Variants in PALS2 observed in about 807,000 individuals in gnomAD.
PALS2 encodes the protein protein PALS2.
A neutral mutation model predicts 61.6 loss-of-function variants in PALS2; 27 were observed. That is an observed-to-expected ratio of 0.44 (90% confidence interval 0.32 to 0.60). The LOEUF (loss-of-function observed/expected upper bound fraction) is 0.60. Ranked by LOEUF, PALS2 falls within the 20% of genes least tolerant of loss-of-function variation. PALS2 has a pLI of 0.05. For missense variants in PALS2, 554 were observed against 639.4 expected (o/e 0.87, Z 1.44); for synonymous variants, 236 against 218.6 (o/e 1.08, Z -0.70).
chr7:24,672,557 T>A (rs1323190401), intron 9 of PALS2, among the ~76,000 whole-genome samples: 1 of 152,206 alleles, frequency 6.6e-6, no homozygotes, highest in Non-Finnish European at 1.5e-5. Context: ...CATAGATGTC[T>A]CTCTGTTTAT....
rs1320328668 is a variant in PALS2 at position 24,687,434 on chromosome 7, A to G, written c.1447-4A>G. 1.9e-6 allele frequency: 3 copies of G among 1,606,218 alleles called. No individual in the cohort carries two copies. The highest frequency in any genetic ancestry group is 1.7e-5 in the Admixed American group (1 of 58,420). ...AAACATTTCCTTTTAAAACTCTTCA[A>G]CAGGACTCTGACTTGAAGAAAACAG... On this transcript the variant is annotated splice_region_variant and splice_polypyrimidine_tract_variant and intron_variant, in intron 11 of 11. Coordinates refer to ENST00000222644, the MANE Select transcript of PALS2 (RefSeq NM_001303037.2). The surrounding 1 kb of genome is among the most constrained non-coding windows in gnomAD (Gnocchi z 4.5).
chr7:24,681,628 A>G (rs985436194), intron 11 of PALS2, among the ~76,000 whole-genome samples: 1 of 151,914 alleles, frequency 6.6e-6, no homozygotes, highest in Non-Finnish European at 1.5e-5. Context: ...TGCCAGCTTA[A>G]TTGAGGTATA....
intron 1 of PALS2, among the ~76,000 whole-genome samples, chr7:24,612,346 T>C (rs1784145011): frequency 6.6e-6 from 1 of 151,928 alleles, no homozygotes; most frequent in African/African-American, 2.4e-5. Context: ...ACAGTGTTTT[T>C]ACAGTTGATA....
At chr7:24,665,851 A>G (rs1437902014) in intron 7 of PALS2, among the ~76,000 whole-genome samples, 164 bp downstream of exon 7, 1 of 152,128 alleles carries the variant, frequency 6.6e-6, no homozygotes, top group East Asian at 1.9e-4. Context: ...CCGTTCTGCC[A>G]CCTGCTGGTA....
intron 11 of PALS2, among the ~76,000 whole-genome samples, chr7:24,686,738 A>G (rs949670299): frequency 2.0e-5 from 3 of 152,194 alleles, no homozygotes; most frequent in Non-Finnish European, 2.9e-5. Context: ...ACACCTTAAT[A>G]GGAACTCAAT....
At chr7:24,633,762 A>G (rs997857737) in intron 2 of PALS2, among the ~76,000 whole-genome samples, 2 of 152,136 alleles carry the variant, frequency 1.3e-5, no homozygotes, top group African/African-American at 2.4e-5. Flanking sequence ...TCCTGTGTAT[A>G]TAAGTAGGTA....
intron 11 of PALS2, among the ~76,000 whole-genome samples, chr7:24,681,269 G>A (rs1244090122): frequency 6.6e-6 from 1 of 152,036 alleles, no homozygotes; most frequent in Non-Finnish European, 1.5e-5. Flanking sequence ...ATACAAAAGA[G>A]GGAATAAATG....
chr7:24,679,729 A>G (rs1787816195), intron 10 of PALS2, among the ~76,000 whole-genome samples: 1 of 103,030 alleles, frequency 9.7e-6, no homozygotes, highest in African/African-American at 7.9e-5. Flanking sequence ...TACACTATTC[A>G]TTTTGTCACT....
chr7:24,669,658 C>G (rs951317856), intron 9 of PALS2, among the ~76,000 whole-genome samples: 1 of 152,114 alleles, frequency 6.6e-6, no homozygotes, highest in Admixed American at 6.5e-5. Context: ...TAGAGTTTCC[C>G]TGGTTTTGTC....
At chr7:24,658,028 C>A (rs1048179945) in intron 5 of PALS2, among the ~76,000 whole-genome samples, 5 of 151,954 alleles carry the variant, frequency 3.3e-5, no homozygotes, top group African/African-American at 1.2e-4. Context: ...TTTTCTGTTT[C>A]TCCTGTCCTT....
chr7:24,575,121 A>T (rs1239329630), intron 1 of PALS2, among the ~76,000 whole-genome samples: 7 of 152,154 alleles, frequency 4.6e-5, no homozygotes, highest in Admixed American at 4.6e-4. Context: ...TTCATTCTGG[A>T]CTACGGTTAC....
At chr7:24,581,070 C>T (rs1437279140) in intron 1 of PALS2, among the ~76,000 whole-genome samples, 1 of 152,054 alleles carries the variant, frequency 6.6e-6, no homozygotes, top group South Asian at 2.1e-4. Context: ...TATAATTGGG[C>T]CAAAATCAAG....
intron 5 of PALS2, among the ~76,000 whole-genome samples, chr7:24,656,927 A>G (rs1786450513): frequency 6.6e-6 from 1 of 152,030 alleles, no homozygotes; most frequent in Non-Finnish European, 1.5e-5. Context: ...GCTTTTTGTC[A>G]CTTTAAATTA....
Position 24,573,605 on chromosome 7 carries a change from G to T in PALS2, c.-3+12G>T. On this transcript the variant is annotated intron_variant, in intron 1 of 11. Coordinates refer to ENST00000222644, the MANE Select transcript of PALS2 (RefSeq NM_001303037.2). This position sits in a 1 kb window ranked among gnomAD's most constrained non-coding sequence, Gnocchi z 5.3. ...TGAGGTGCGAGCCGGTGAGTTAACT[G>T]GACCCCCACGCCGCTCGGGTAACGG... The T allele has an allele frequency of 2.8e-6, 1 of 358,106 alleles. No homozygotes were observed. Among genetic ancestry groups the T allele is most frequent in the South Asian group, 1.3e-4 (1 of 7,518 alleles). 22.2% of individuals were successfully genotyped at this position (358,106 alleles called of 1,614,324 possible).
intron 1 of PALS2, among the ~76,000 whole-genome samples, chr7:24,586,186 A>G (rs1409829645): frequency 6.6e-6 from 1 of 152,160 alleles, no homozygotes; most frequent in Non-Finnish European, 1.5e-5. Context: ...TGTTAGGGGA[A>G]AACAAAGTTT....
intron 11 of PALS2, among the ~76,000 whole-genome samples, chr7:24,684,736 C>A (rs891089483): frequency 4.9e-4 from 74 of 152,090 alleles, no homozygotes; most frequent in Non-Finnish European, 1.9e-4. Flanking sequence ...TTACATTATT[C>A]TTCTTGGGCT....
chr7:24,692,951 A>G lies in PALS2; in HGVS notation c.*5337A>G, dbSNP rs1788542779. The G allele has an allele frequency of 2.0e-5, 3 of 152,198 alleles. No homozygotes were observed. The highest frequency in any genetic ancestry group is 2.9e-5 in the Non-Finnish European group (2 of 68,014). The allele number at this position is 152,198 out of a possible 1,614,324, so 9.4% of individuals were successfully genotyped here. A position where few individuals can be genotyped will look rare whatever the true frequency, so the allele number is the denominator to read the frequency against. ...AGTTTGTGAACCTCAAAATCCAGAT[A>G]TTAATCCACTTTAGTTATTACTTTG... On this transcript the variant is annotated 3_prime_UTR_variant, in exon 12 of 12. Transcript: ENST00000222644.
At chr7:24,682,482 A>G (rs960818074) in intron 11 of PALS2, among the ~76,000 whole-genome samples, 2 of 152,120 alleles carry the variant, frequency 1.3e-5, no homozygotes, top group African/African-American at 4.8e-5. Context: ...AGAGTCCTGT[A>G]GGCTCCTTTG....
intron 5 of PALS2, among the ~76,000 whole-genome samples, chr7:24,653,966 G>T (rs1786288550): frequency 6.6e-6 from 1 of 152,110 alleles, no homozygotes; most frequent in Non-Finnish European, 1.5e-5. Context: ...TGGTGATCTT[G>T]TTCAGAATTT....
Sources: gnomAD v4.1 joint callset for allele counts (sites outside exome capture counted in the v4.1 genomes callset) on GRCh38, gnomAD v4.1.1 for gene constraint, Gnocchi (gnomAD v3.1) non-coding constraint, MANE v1.5 for transcripts, NCBI Gene and HGNC (gene_info 2026-07-23, HGNC 2026-07-21) for gene names.